The following RARB variants were observed in gnomAD, a reference collection of about 807,000 sequenced individuals.
RARB encodes retinoic acid receptor beta, also known as HBV-activated protein.
RARB carries 17 observed loss-of-function variants against 51.9 expected under a neutral mutation model. The ratio of observed to expected loss-of-function variants is 0.33; its 90% CI spans 0.22 to 0.49. RARB has a LOEUF of 0.49. RARB is among the 20% of genes least tolerant of loss of function. RARB has a pLI of 0.99. For synonymous variants in RARB, 215 were observed against 195.4 expected (o/e 1.10, Z -0.84); for missense variants, 369 against 550.8 (o/e 0.67, Z 3.30).
intron 5 of RARB, among the ~76,000 whole-genome samples, chr3:25,355,144 G>A (rs759879650): frequency 2.6e-5 from 4 of 152,188 alleles, no homozygotes; most frequent in Non-Finnish European, 5.9e-5. Context: ...ATACTACCTG[G>A]TGTGTTCAAA....
chr3:24,878,102 T>C (rs1703081937), intron 2 of RARB, among the ~76,000 whole-genome samples: 1 of 152,192 alleles, frequency 6.6e-6, no homozygotes, highest in Non-Finnish European at 1.5e-5. Flanking sequence ...TCGTTAGCCA[T>C]ATACTTGTTT....
chr3:25,564,528 G>T (rs1188556610), intron 3 of RARB, among the ~76,000 whole-genome samples: 1 of 152,196 alleles, frequency 6.6e-6, no homozygotes, highest in Admixed American at 6.5e-5. Flanking sequence ...AGACCTTTAA[G>T]TTCTGGAAGA....
intron 2 of RARB, among the ~76,000 whole-genome samples, chr3:24,905,250 G>A (rs1575064316): frequency 6.6e-6 from 1 of 152,120 alleles, no homozygotes. Flanking sequence ...GGGCCCTGGG[G>A]GTTTGTGATA....
At chr3:24,871,051 C>G (rs190051569) in intron 2 of RARB, among the ~76,000 whole-genome samples, 5 of 152,086 alleles carry the variant, frequency 3.3e-5, no homozygotes, top group Admixed American at 2.6e-4. Flanking sequence ...TCTACTCTAT[C>G]TTTATGAGTT....
At chr3:25,480,647 T>A (rs1696181164) in intron 2 of RARB, among the ~76,000 whole-genome samples, 1 of 152,236 alleles carries the variant, frequency 6.6e-6, no homozygotes, top group African/African-American at 2.4e-5. Flanking sequence ...CCTGATCATT[T>A]TCTTCAGAAA....
At chr3:25,400,954 C>G (rs765323754) in intron 5 of RARB, among the ~76,000 whole-genome samples, 50 of 152,028 alleles carry the variant, frequency 3.3e-4, no homozygotes, top group Non-Finnish European at 6.2e-4. Flanking sequence ...GCCAAAGCCT[C>G]CAAGATTTTG....
intron 2 of RARB, among the ~76,000 whole-genome samples, chr3:24,874,909 C>T (rs191870467): frequency 5.3e-5 from 8 of 152,070 alleles, no homozygotes; most frequent in East Asian, 1.9e-4. Flanking sequence ...AAAAGTTATA[C>T]GCTCATTTCC....
At chr3:25,444,563 A>C (rs1358224164) in intron 1 of RARB, among the ~76,000 whole-genome samples, 1 of 152,206 alleles carries the variant, frequency 6.6e-6, no homozygotes, top group Non-Finnish European at 1.5e-5. Context: ...GTTTCATGAA[A>C]GGTAACAGAG....
chr3:25,102,661 A>G (rs992764389), intron 3 of RARB, among the ~76,000 whole-genome samples: 5 of 152,194 alleles, frequency 3.3e-5, no homozygotes, highest in African/African-American at 1.2e-4. Context: ...CAGATCAGCT[A>G]AAGTCTTGCC....
At chr3:25,592,116 G>T (rs1451250405) in intron 5 of RARB, among the ~76,000 whole-genome samples, 1 of 152,180 alleles carries the variant, frequency 6.6e-6, no homozygotes, top group Non-Finnish European at 1.5e-5. Flanking sequence ...GGGAATATGG[G>T]CAGGATGGAG....
intron 3 of RARB, among the ~76,000 whole-genome samples, chr3:25,096,148 C>T (rs1300971851): frequency 2.6e-5 from 4 of 152,142 alleles, no homozygotes; most frequent in East Asian, 3.8e-4. Context: ...GTTTGCTCAA[C>T]GTGGCTGGTT....
At position 25,163,504 on chromosome 3, in the gene RARB, AATATATATATATATATATAT is replaced by A. The variant is rs138389529; in HGVS notation, c.-279-10600_-279-10581del. 6.9e-5 allele frequency among the ~76,000 whole-genome samples: 9 copies of A among 131,090 alleles called. 1 individual carries two copies. The highest frequency in any genetic ancestry group is 1.5e-4 in the Admixed American group (2 of 13,750). The allele number at this position is 131,090 out of a possible 152,430, so 86.0% of individuals were successfully genotyped here. ...TGAGCAGAATAAGACCCTATCTCAA[AATATATATATATATATATAT>A]ATATATATATATATTTGTTTATTTG... On this transcript the variant is annotated intron_variant, in intron 4 of 11. Coordinates refer to the RARB transcript ENST00000383772.
chr3:25,082,923 A>G (rs1699037360), intron 3 of RARB, among the ~76,000 whole-genome samples: 1 of 152,070 alleles, frequency 6.6e-6, no homozygotes, highest in African/African-American at 2.4e-5. Flanking sequence ...TTTCAAGAAT[A>G]ATTTTGTTGG....
chr3:25,459,808 C>T (rs1207568720), intron 1 of RARB, among the ~76,000 whole-genome samples: 2 of 152,272 alleles, frequency 1.3e-5, no homozygotes, highest in East Asian at 1.9e-4. Context: ...CTGGGAAATA[C>T]ACTGTGTATT....
rs148040232 is a variant in RARB, at chr3:25,436,758, T to TATA, written c.157+7876_157+7878dup. Among the ~76,000 whole-genome samples the TATA allele has an allele frequency of 9.6e-3, 1,464 of 152,080 alleles. 22 individuals are homozygous for TATA. Among genetic ancestry groups the TATA allele is most frequent in the African/African-American group, 0.034 (1,396 of 41,454 alleles). Reference sequence around the variant, plus strand: ...CTCAAAGGCTTTCTAGAGAAGGGGGTATAATAATTTTCTTGCACTCAGCAG... The same window carrying TATA: ...CTCAAAGGCTTTCTAGAGAAGGGGGTATAATAATAATTTTCTTGCACTCAGCAG... On this transcript the variant is annotated intron_variant, in intron 1 of 7. Coordinates refer to ENST00000330688, the MANE Select transcript of RARB (RefSeq NM_000965.5).
At chr3:25,206,799 C>T (rs1701560683) in intron 5 of RARB, among the ~76,000 whole-genome samples, 1 of 152,142 alleles carries the variant, frequency 6.6e-6, no homozygotes, top group East Asian at 1.9e-4. Flanking sequence ...GAGATTTCTC[C>T]AAACCCTGAC....
intron 4 of RARB, among the ~76,000 whole-genome samples, chr3:25,134,575 A>G (rs1055225874): frequency 6.6e-6 from 1 of 151,990 alleles, no homozygotes; most frequent in African/African-American, 2.4e-5. Flanking sequence ...CTAGGATGAT[A>G]ACGTGATACT....
At chr3:25,283,177 G>C (rs1301841218) in intron 5 of RARB, among the ~76,000 whole-genome samples, 1 of 152,142 alleles carries the variant, frequency 6.6e-6, no homozygotes, top group Non-Finnish European at 1.5e-5. Context: ...TCACAGGATA[G>C]TATTAATAAG....
chr3:24,882,033 T>C (rs1360570735), intron 2 of RARB, among the ~76,000 whole-genome samples: 3 of 151,938 alleles, frequency 2.0e-5, no homozygotes, highest in Admixed American at 2.0e-4. Context: ...CAATGAAAAA[T>C]TGAATATTGA....
Sources: allele counts gnomAD v4.1 joint callset (sites outside exome capture counted in the v4.1 genomes callset), GRCh38; gene constraint gnomAD v4.1.1; transcripts MANE v1.5; gene names NCBI Gene and HGNC (gene_info 2026-07-23, HGNC 2026-07-21).